KALRN: variants seen among roughly 807,000 people sequenced by gnomAD.
KALRN encodes the protein kalirin.
A neutral mutation model predicts 353.7 loss-of-function variants in KALRN; 70 were observed. The ratio of observed to expected loss-of-function variants is 0.20; its 90% CI spans 0.16 to 0.24. KALRN has a LOEUF of 0.24. KALRN is among the 10% of genes least tolerant of loss of function. The probability of loss-of-function intolerance (pLI) is 1.00; values close to 1 mark genes in which losing one functional copy is unlikely to be tolerated. For synonymous variants in KALRN, 1,391 were observed against 1,434.8 expected (o/e 0.97, Z 0.69); for missense variants, 2,791 against 3,756.7 (o/e 0.74, Z 6.72).
At chr3:124,347,326 A>C in intron 10 of KALRN, 61 bp downstream of exon 10, 2 of 1,225,470 alleles carry the variant, frequency 1.6e-6, no homozygotes, top group East Asian at 9.1e-5. Flanking sequence ...GTGTGTCTAG[A>C]TGAGGGAGGC....
intron 27 of KALRN, among the ~76,000 whole-genome samples, chr3:124,478,755 G>T (rs1192031384): frequency 6.6e-6 from 1 of 152,190 alleles, no homozygotes; most frequent in Non-Finnish European, 1.5e-5. Context: ...TCTTTTTGAA[G>T]TTTTAAATGC....
intron 1 of KALRN, among the ~76,000 whole-genome samples, chr3:124,224,118 C>T (rs1055462194): frequency 6.7e-6 from 1 of 150,048 alleles, no homozygotes; most frequent in Non-Finnish European, 1.5e-5. Context: ...CCACCACCCA[C>T]GTTGGGTCAG....
At chr3:124,273,883 CCACT>C (rs2148968339) in intron 5 of KALRN, among the ~76,000 whole-genome samples, 2 of 152,356 alleles carry the variant, frequency 1.3e-5, no homozygotes, top group Admixed American at 1.3e-4. Context: ...AGCCAGGTCA[CCACT>C]CATTGGCCTG....
At chr3:124,408,611 A>C (rs547153714) in intron 13 of KALRN, among the ~76,000 whole-genome samples, 2 of 152,290 alleles carry the variant, frequency 1.3e-5, no homozygotes, top group South Asian at 4.1e-4. Flanking sequence ...TATCTTCATC[A>C]TTGTTGCCAA....
intron 6 of KALRN, among the ~76,000 whole-genome samples, chr3:124,311,407 G>A (rs1277764428): frequency 6.6e-6 from 1 of 150,618 alleles, no homozygotes; most frequent in Non-Finnish European, 1.5e-5. Flanking sequence ...AGGTTGCAGT[G>A]AGCAGAGATT....
At chr3:124,109,713 TGA>T (rs1275946192) in intron 1 of KALRN, among the ~76,000 whole-genome samples, 1 of 146,720 alleles carries the variant, frequency 6.8e-6, no homozygotes, top group Non-Finnish European at 1.5e-5. Context: ...GATATATATA[TGA>T]CATATATATC....
intron 51 of KALRN, among the ~76,000 whole-genome samples, chr3:124,680,723 G>A (rs967371571): frequency 1.3e-5 from 2 of 152,184 alleles, no homozygotes; most frequent in Admixed American, 6.5e-5. Context: ...AATCAGGCCC[G>A]AGGCAATCGG....
intron 19 of KALRN, among the ~76,000 whole-genome samples, chr3:124,442,884 G>C (rs746642796): frequency 6.6e-6 from 1 of 151,966 alleles, no homozygotes; most frequent in South Asian, 2.1e-4. Context: ...TCAGGAGGCC[G>C]AGATGGAAGG....
intron 2 of KALRN, 145 bp from the exon 3 acceptor site, chr3:124,234,684 C>G: frequency 1.6e-6 from 1 of 633,890 alleles, no homozygotes; most frequent in Non-Finnish European, 2.8e-6. Context: ...CTAGACCCCC[C>G]CACCTTGTCC....
At chr3:124,385,934 T>G (rs1191939641) in intron 11 of KALRN, among the ~76,000 whole-genome samples, 1 of 152,030 alleles carries the variant, frequency 6.6e-6, no homozygotes, top group Non-Finnish European at 1.5e-5. Flanking sequence ...GAGTATTAAT[T>G]AAAGTTTGAT....
At chr3:124,636,563 A>C (rs2081369062) in intron 36 of KALRN, among the ~76,000 whole-genome samples, 1 of 152,128 alleles carries the variant, frequency 6.6e-6, no homozygotes, top group Non-Finnish European at 1.5e-5. Flanking sequence ...GTTCCAGTTC[A>C]GGGGCCTTAC....
At chr3:124,052,612 A>G (rs980699861) in intron 1 of KALRN, among the ~76,000 whole-genome samples, 1 of 152,126 alleles carries the variant, frequency 6.6e-6, no homozygotes, top group East Asian at 1.9e-4. Context: ...GTAAATTGCC[A>G]TCTTGGCTCT....
intron 10 of KALRN, among the ~76,000 whole-genome samples, chr3:124,359,526 A>G (rs1281354783): frequency 6.6e-6 from 1 of 152,140 alleles, no homozygotes; most frequent in Non-Finnish European, 1.5e-5. Context: ...GCTGGGACAT[A>G]TGATATAGTG....
intron 33 of KALRN, among the ~76,000 whole-genome samples, chr3:124,541,973 C>T (rs749138211): frequency 3.3e-5 from 5 of 152,060 alleles, no homozygotes; most frequent in Admixed American, 1.3e-4. Flanking sequence ...CAGAGGGAGA[C>T]GCTGTCTCAA....
rs187170624 is a variant in KALRN, at chr3:124,055,554, G to T, written c.73+21741G>T. On this transcript the variant is annotated intron_variant, in intron 1 of 59. Coordinates refer to ENST00000682506, the MANE Select transcript of KALRN (RefSeq NM_001388419.1). ...CAGACCACCTTAATTACTCTATCTA[G>T]CATGATTCTGGGCATTGAATAGGCC... Among the ~76,000 whole-genome samples, 22 of 152,266 alleles carry T rather than the reference G, an allele frequency of 1.4e-4. No individual in the cohort carries two copies. The East Asian group carries it at 4.2e-3, about 29-fold the overall frequency.
Position 124,637,300 on chromosome 3 carries a change from G to T in KALRN, c.5661G>T (p.Lys1887Asn), listed in dbSNP as rs116780710. ...CAATAGAAAAGTTGGTCAAAAACAAGCTGGTAAGTGGGGGTCCTGGAGGCA... is the reference window on the plus strand; with the variant it reads ...CAATAGAAAAGTTGGTCAAAAACAATCTGGTAAGTGGGGGTCCTGGAGGCA... ...VNAIEKLVKN[K>N]LSLEGSSYRG... is the part of the protein sequence containing the mutation. Residue 1887 changes from lysine to asparagine, a missense_variant, in exon 37 of 60, where the codon AAG becomes AAT. Coordinates refer to ENST00000682506, the MANE Select transcript of KALRN (RefSeq NM_001388419.1). 6.2e-7 allele frequency: 1 copy of T among 1,613,100 alleles called. No homozygotes were observed.
chr3:124,262,222 T>C (rs1159189224), intron 3 of KALRN, among the ~76,000 whole-genome samples: 1 of 152,034 alleles, frequency 6.6e-6, no homozygotes, highest in East Asian at 1.9e-4. Context: ...ATGCAACAGA[T>C]TGGAAGAAAT....
intron 33 of KALRN, chr3:124,518,825 A>C: frequency 8.8e-7 from 1 of 1,137,606 alleles, no homozygotes; most frequent in Non-Finnish European, 1.1e-6. Flanking sequence ...GAGGTCTGCA[A>C]CATGAGTGAA....
chr3:124,645,481 A>G (rs962168880), intron 37 of KALRN, among the ~76,000 whole-genome samples: 20 of 152,190 alleles, frequency 1.3e-4, no homozygotes, highest in African/African-American at 4.6e-4. Flanking sequence ...TTAAGTCTTT[A>G]ATACATCTTG....
Sources: allele counts gnomAD v4.1 joint callset (sites outside exome capture counted in the v4.1 genomes callset), GRCh38; gene constraint gnomAD v4.1.1; transcripts MANE v1.5; gene names NCBI Gene and HGNC (gene_info 2026-07-23, HGNC 2026-07-21).